The following GRIN3A variants were observed in gnomAD, a reference collection of about 807,000 sequenced individuals.
GRIN3A encodes the protein glutamate receptor ionotropic, NMDA 3A.
Under a neutral mutation model 92.4 loss-of-function variants are expected in GRIN3A, and 47 were observed. The ratio of observed to expected loss-of-function variants is 0.51; its 90% CI spans 0.40 to 0.65. GRIN3A has a LOEUF of 0.65. Ranked by LOEUF, GRIN3A falls within the 30% of genes least tolerant of loss-of-function variation. The pLI is 0.00. For missense variants in GRIN3A, 1,324 were observed against 1,393.1 expected (o/e 0.95, Z 0.79); for synonymous variants, 527 against 540.6 (o/e 0.97, Z 0.35).
At chr9:101,731,956 T>G (rs1830143884) in intron 1 of GRIN3A, among the ~76,000 whole-genome samples, 1 of 152,234 alleles carries the variant, frequency 6.6e-6, no homozygotes, top group African/African-American at 2.4e-5. Context: ...ATGTTCTTTC[T>G]TCTTGCCTAG....
At chr9:101,614,129 A>G (rs1190936055) in intron 5 of GRIN3A, among the ~76,000 whole-genome samples, 3 of 152,202 alleles carry the variant, frequency 2.0e-5, no homozygotes, top group Non-Finnish European at 4.4e-5. Flanking sequence ...GATGAGGATC[A>G]ATAAGATTAT....
At chr9:101,734,114 A>G (rs1027501159) in intron 1 of GRIN3A, among the ~76,000 whole-genome samples, 3 of 152,188 alleles carry the variant, frequency 2.0e-5, no homozygotes, top group Non-Finnish European at 2.9e-5. Flanking sequence ...TTTTTAAAAA[A>G]TGTGTACTTG....
intron 3 of GRIN3A, among the ~76,000 whole-genome samples, chr9:101,630,334 A>G (rs1244760805): frequency 6.6e-6 from 1 of 152,188 alleles, no homozygotes; most frequent in African/African-American, 2.4e-5. Flanking sequence ...CAATAGAGAA[A>G]CATAACTACT....
At chr9:101,617,205 TAAAA>T (rs61141843) in intron 5 of GRIN3A, among the ~76,000 whole-genome samples, 10 of 107,150 alleles carry the variant, frequency 9.3e-5, no homozygotes, top group South Asian at 3.1e-4. Flanking sequence ...AGACTCCGTC[TAAAA>T]AAAAAAAAAA....
rs1176279775 is a variant in GRIN3A at position 101,572,688 on chromosome 9, C to T, written c.*486G>A. The T allele has an allele frequency of 5.5e-6, 1 of 183,430 alleles. No individual in the cohort carries two copies. Among genetic ancestry groups the T allele is most frequent in the East Asian group, 1.3e-4 (1 of 7,928 alleles). The allele number at this position is 183,430 out of a possible 1,614,324, so 11.4% of individuals were successfully genotyped here. A position where few individuals can be genotyped will look rare whatever the true frequency, so the allele number is the denominator to read the frequency against. Reference sequence around the variant, plus strand: ...CCCAGTGGGAGGTGCTCTGCTCTTACCTGCTCCCCATTCAGAATGTAGGAA... The same window carrying T: ...CCCAGTGGGAGGTGCTCTGCTCTTATCTGCTCCCCATTCAGAATGTAGGAA... On this transcript the variant is annotated 3_prime_UTR_variant, in exon 9 of 9. Coordinates refer to ENST00000361820, the MANE Select transcript of GRIN3A (RefSeq NM_133445.3).
chr9:101,715,596 GA>G (rs1317212650), intron 1 of GRIN3A, among the ~76,000 whole-genome samples: 3 of 151,900 alleles, frequency 2.0e-5, no homozygotes, highest in South Asian at 2.1e-4. Flanking sequence ...TTTATCATTA[GA>G]AAAAAAATCA....
chr9:101,658,302 A>ATG (rs199998081), intron 3 of GRIN3A, among the ~76,000 whole-genome samples: 50,779 of 151,388 alleles, frequency 0.34, 9,304 homozygotes, highest in Non-Finnish European at 0.41. Context: ...TGTTAATATT[A>ATG]TTATTTGTTG....
chr9:101,681,186 C>G (rs1315489770), intron 2 of GRIN3A, among the ~76,000 whole-genome samples: 3 of 152,102 alleles, frequency 2.0e-5, no homozygotes, highest in African/African-American at 7.2e-5. Context: ...TCCCCAGAGT[C>G]CGATGTTCAG....
At chr9:101,639,898 A>C (rs540683736) in intron 3 of GRIN3A, among the ~76,000 whole-genome samples, 53 of 152,290 alleles carry the variant, frequency 3.5e-4, no homozygotes, top group African/African-American at 1.2e-3. Context: ...TAACAATAAA[A>C]AGAAAAATCC....
chr9:101,598,180 G>A (rs139598918), intron 6 of GRIN3A, among the ~76,000 whole-genome samples: 28 of 152,084 alleles, frequency 1.8e-4, no homozygotes, highest in African/African-American at 3.9e-4. Flanking sequence ...AAGTGTTACC[G>A]TTTCAACATG....
At chr9:101,670,027 A>C in intron 3 of GRIN3A, 33 bp downstream of exon 3, 1 of 1,454,324 alleles carries the variant, frequency 6.9e-7, no homozygotes, top group Non-Finnish European at 9.7e-7. Flanking sequence ...TATAATGGAC[A>C]ATCAAGAAAG....
intron 3 of GRIN3A, among the ~76,000 whole-genome samples, chr9:101,656,447 G>T (rs948628285): frequency 3.3e-5 from 5 of 149,998 alleles, no homozygotes; most frequent in African/African-American, 7.2e-5. Context: ...CCAATTATTA[G>T]ACGTAGTCCT....
chr9:101,716,131 A>C (rs1384582668), intron 1 of GRIN3A, among the ~76,000 whole-genome samples: 1 of 60,888 alleles, frequency 1.6e-5, no homozygotes, highest in Non-Finnish European at 4.6e-5. Flanking sequence ...GAGCAGAATT[A>C]AGAGAGGAAA....
chr9:101,656,098 A>G (rs1829085695), intron 3 of GRIN3A, among the ~76,000 whole-genome samples: 1 of 152,008 alleles, frequency 6.6e-6, no homozygotes, highest in Non-Finnish European at 1.5e-5. Context: ...AGAAGCTGAT[A>G]AAGCTGCTTA....
chr9:101,632,751 G>A (rs1349626947), intron 3 of GRIN3A, among the ~76,000 whole-genome samples: 1 of 152,154 alleles, frequency 6.6e-6, no homozygotes, highest in Non-Finnish European at 1.5e-5. Context: ...ATGCAACCCA[G>A]TGGGCCAGGA....
intron 6 of GRIN3A, 52 bp downstream of exon 6, chr9:101,613,324 C>CTCTGAGGT: frequency 6.3e-7 from 1 of 1,584,732 alleles, no homozygotes; most frequent in Non-Finnish European, 8.7e-7. Flanking sequence ...TCCTTATGTT[C>CTCTGAGGT]TCTGAGGTAC....
intron 1 of GRIN3A, among the ~76,000 whole-genome samples, chr9:101,710,781 A>C (rs1829868168): frequency 6.6e-6 from 1 of 152,226 alleles, no homozygotes; most frequent in Non-Finnish European, 1.5e-5. Flanking sequence ...TGAATGACAA[A>C]GCAGATGGCT....
intron 1 of GRIN3A, among the ~76,000 whole-genome samples, chr9:101,692,712 A>G (rs535146351): frequency 4.5e-4 from 69 of 152,278 alleles, no homozygotes; most frequent in African/African-American, 1.5e-3. Context: ...CTACACAGCT[A>G]TCGCTTCTCC....
At position 101,738,234 on chromosome 9, in the gene GRIN3A, G is replaced by A; in HGVS notation, c.-255C>T. ...CGGTCACTGCGCTGAGCAGGCAGGC[G>A]GGCGGGCCGGCGCCTGTCACCCGCA... On this transcript the variant is annotated 5_prime_UTR_variant, in exon 1 of 9. Coordinates refer to ENST00000361820, the MANE Select transcript of GRIN3A (RefSeq NM_133445.3). 1 of 530,160 alleles carries A rather than the reference G, an allele frequency of 1.9e-6. No homozygotes were observed. The allele number at this position is 530,160 out of a possible 1,614,324, so 32.8% of individuals were successfully genotyped here.
Sources: allele counts gnomAD v4.1 joint callset (sites outside exome capture counted in the v4.1 genomes callset), GRCh38; gene constraint gnomAD v4.1.1; transcripts MANE v1.5; gene names NCBI Gene and HGNC (gene_info 2026-07-23, HGNC 2026-07-21).